The following CDH13 variants were observed in gnomAD, a reference collection of about 807,000 sequenced individuals.
CDH13 encodes the protein cadherin 13.
CDH13 carries 24 observed loss-of-function variants against 63.8 expected under a neutral mutation model. The observed-to-expected ratio is 0.38, with a 90% CI of 0.27 to 0.53. The LOEUF is 0.53. Ranked by LOEUF, CDH13 falls within the 20% of genes least tolerant of loss-of-function variation. CDH13 has a pLI of 0.85. For synonymous variants in CDH13, 503 were observed against 355.3 expected, an observed-to-expected ratio of 1.42 and a Z score of -4.67; for missense variants, 1,049 against 903.1, an observed-to-expected ratio of 1.16 and a Z score of -2.07.
At chr16:83,184,462 G>A (rs1175027672) in intron 4 of CDH13, among the ~76,000 whole-genome samples, 2 of 152,130 alleles carry the variant, frequency 1.3e-5, no homozygotes, top group African/African-American at 2.4e-5. Flanking sequence ...TGACGTAGAT[G>A]TGAGGCCAGG....
chr16:82,810,273 C>T (rs962950112), intron 1 of CDH13, among the ~76,000 whole-genome samples: 6 of 152,230 alleles, frequency 3.9e-5, no homozygotes, highest in African/African-American at 9.6e-5. Flanking sequence ...CCTAGGACAG[C>T]GGCTCATTAG....
intron 4 of CDH13, among the ~76,000 whole-genome samples, chr16:83,217,144 C>G (rs1316019746): frequency 1.3e-5 from 2 of 152,208 alleles, no homozygotes; most frequent in Admixed American, 6.5e-5. Flanking sequence ...CAGCTGCCAG[C>G]TGCAAAGACG....
Position 83,066,228 on chromosome 16 carries a change from G to A in CDH13, c.366+34010G>A, listed in dbSNP as rs576655041. On this transcript the variant is annotated intron_variant, in intron 3 of 13. Coordinates refer to ENST00000567109, the MANE Select transcript of CDH13 (RefSeq NM_001257.5). Reference sequence around the variant, plus strand: ...GGTGATGATGAGTTCTTCTCAACAAGTGACTAAGCTCTAGGGGAATCAGTT... The same window carrying A: ...GGTGATGATGAGTTCTTCTCAACAAATGACTAAGCTCTAGGGGAATCAGTT... Among the ~76,000 whole-genome samples the A allele has an allele frequency of 2.0e-5, 3 of 152,318 alleles. No individual in the cohort carries two copies. The East Asian group carries it at 5.8e-4, about 29-fold the overall frequency.
At chr16:83,584,153 C>A (rs181016091) in intron 7 of CDH13, among the ~76,000 whole-genome samples, 8 of 152,150 alleles carry the variant, frequency 5.3e-5, no homozygotes, top group Admixed American at 4.6e-4. Flanking sequence ...CATGGTGAAA[C>A]CCCATCTCTA....
chr16:83,022,860 G>C (rs1282709091), intron 2 of CDH13, among the ~76,000 whole-genome samples: 2 of 152,194 alleles, frequency 1.3e-5, no homozygotes, highest in Admixed American at 6.5e-5. Flanking sequence ...GCCCAAGCAC[G>C]CTTATAAGAA....
chr16:82,788,295 A>G (rs2036122242), intron 1 of CDH13, among the ~76,000 whole-genome samples: 1 of 152,190 alleles, frequency 6.6e-6, no homozygotes, highest in African/African-American at 2.4e-5. Context: ...ACGTAGCCAC[A>G]TAAGCTCGTT....
intron 7 of CDH13, among the ~76,000 whole-genome samples, chr16:83,570,947 A>C (rs1904555578): frequency 1.2e-4 from 1 of 8,524 alleles, no homozygotes; most frequent in Non-Finnish European, 3.1e-4. Context: ...TAACTCATCC[A>C]TATATATATA....
At chr16:83,054,825 A>G (rs1328590761) in intron 3 of CDH13, among the ~76,000 whole-genome samples, 1 of 152,180 alleles carries the variant, frequency 6.6e-6, no homozygotes, top group Non-Finnish European at 1.5e-5. Flanking sequence ...TTTCACTAAA[A>G]TCTGTAATAT....
At chr16:82,777,712 A>G (rs1208146885) in intron 1 of CDH13, among the ~76,000 whole-genome samples, 2 of 152,198 alleles carry the variant, frequency 1.3e-5, no homozygotes, top group Admixed American at 1.3e-4. Flanking sequence ...TCAAGGTGTC[A>G]ACTGAGGCAG....
At chr16:83,655,763 G>C (rs1337355558) in intron 8 of CDH13, among the ~76,000 whole-genome samples, 1 of 152,212 alleles carries the variant, frequency 6.6e-6, no homozygotes. Context: ...GCATGTAGCA[G>C]GTGTTCAGTG....
At chr16:83,590,404 T>C (rs1906617637) in intron 7 of CDH13, among the ~76,000 whole-genome samples, 1 of 151,918 alleles carries the variant, frequency 6.6e-6, no homozygotes, top group Non-Finnish European at 1.5e-5. Flanking sequence ...AGAGAGGGAA[T>C]TGCTACAGAG....
chr16:83,195,861 G>T (rs2038863982), intron 4 of CDH13, among the ~76,000 whole-genome samples: 1 of 152,214 alleles, frequency 6.6e-6, no homozygotes, highest in African/African-American at 2.4e-5. Flanking sequence ...AAGGAAGTCA[G>T]TGGAGGAAGG....
chr16:83,107,901 C>T (rs573606337), intron 3 of CDH13, among the ~76,000 whole-genome samples: 1 of 151,578 alleles, frequency 6.6e-6, no homozygotes, highest in Non-Finnish European at 1.5e-5. Flanking sequence ...CTCACTGCAA[C>T]ATCCGCCTGC....
intron 8 of CDH13, among the ~76,000 whole-genome samples, chr16:83,632,337 G>A (rs759885754): frequency 1.8e-4 from 27 of 151,488 alleles, no homozygotes; most frequent in Non-Finnish European, 3.5e-4. Context: ...GCCCCTCTTA[G>A]GTATTGCACA....
chr16:83,435,847 C>T (rs1239579085), intron 6 of CDH13, among the ~76,000 whole-genome samples: 4 of 152,224 alleles, frequency 2.6e-5, no homozygotes, highest in Non-Finnish European at 5.9e-5. Flanking sequence ...CATTGTATTG[C>T]AGACTCCGCT....
intron 1 of CDH13, among the ~76,000 whole-genome samples, chr16:82,780,335 C>T (rs2035694644): frequency 6.6e-6 from 1 of 152,248 alleles, no homozygotes; most frequent in African/African-American, 2.4e-5. Context: ...GCCAATCTCT[C>T]CCTTGCTCTC....
At chr16:82,633,925 T>G (rs946058849) in intron 1 of CDH13, among the ~76,000 whole-genome samples, 1 of 152,152 alleles carries the variant, frequency 6.6e-6, no homozygotes, top group Middle Eastern at 3.2e-3. Flanking sequence ...TAAATATAAC[T>G]CCATATACAC....
At chr16:83,282,034 T>C (rs1396556774) in intron 5 of CDH13, among the ~76,000 whole-genome samples, 1 of 152,204 alleles carries the variant, frequency 6.6e-6, no homozygotes, top group South Asian at 2.1e-4. Context: ...GTGGTATTCA[T>C]TGGCTTAATT....
chr16:82,810,970 C>A (rs957125450), intron 1 of CDH13, among the ~76,000 whole-genome samples: 1 of 152,082 alleles, frequency 6.6e-6, no homozygotes, highest in Non-Finnish European at 1.5e-5. Flanking sequence ...GTGCCCTGGA[C>A]CCTTCTCTCA....
Sources: gnomAD v4.1 joint callset for allele counts (sites outside exome capture counted in the v4.1 genomes callset) on GRCh38, gnomAD v4.1.1 for gene constraint, MANE v1.5 for transcripts, NCBI Gene and HGNC (gene_info 2026-07-23, HGNC 2026-07-21) for gene names.